The following LTA4H variants were observed in gnomAD, a reference collection of about 807,000 sequenced individuals.
The protein encoded by LTA4H is leukotriene A4 hydrolase.
In LTA4H, 59 loss-of-function variants were observed where a neutral mutation model predicts 89.8. The observed-to-expected ratio is 0.66, with a 90% confidence interval of 0.53 to 0.82. The LOEUF (loss-of-function observed/expected upper bound fraction) is 0.82. Ranked by LOEUF, LTA4H falls within the 40% of genes least tolerant of loss-of-function variation. The pLI is 0.00. For synonymous variants in LTA4H, 227 were observed against 253.1 expected (o/e 0.90, Z 0.98); for missense variants, 617 against 727.0 (o/e 0.85, Z 1.74).
chr12:96,036,361 C>G (rs1262958260), upstream of LTA4H, among the ~76,000 whole-genome samples: 1 of 152,016 alleles, frequency 6.6e-6, no homozygotes, highest in African/African-American at 2.4e-5. Context: ...AGGGTGGGGC[C>G]TCAAAATTAA....
Position 96,017,537 on chromosome 12 carries a change from A to G in LTA4H, c.876+20T>C. ...TAATACTTCTTGAAGGTAAGGCCATAATGAAAAAGTTTAACTTACATTGGA... is the reference window on the plus strand; with the variant it reads ...TAATACTTCTTGAAGGTAAGGCCATGATGAAAAAGTTTAACTTACATTGGA... On this transcript the variant is annotated intron_variant, in intron 9 of 18. Coordinates refer to ENST00000228740, the MANE Select transcript of LTA4H (RefSeq NM_000895.3). The G allele has an allele frequency of 1.2e-6, 2 of 1,601,322 alleles. No individual in the cohort carries two copies. The highest frequency in any genetic ancestry group is 1.7e-6 in the Non-Finnish European group (2 of 1,170,094).
chr12:96,029,360 T>C (rs1188785381), intron 1 of LTA4H, among the ~76,000 whole-genome samples, 175 bp from the exon 2 acceptor site: 1 of 152,192 alleles, frequency 6.6e-6, no homozygotes, highest in African/African-American at 2.4e-5. Flanking sequence ...TCTAAGCATC[T>C]TGAAAATTTT....
Position 96,000,938 on chromosome 12 carries a change from C to G in LTA4H, c.*51G>C. 8.0e-7 allele frequency: 1 copy of G among 1,244,812 alleles called. No individual in the cohort carries two copies. 77.1% of individuals were successfully genotyped at this position (1,244,812 alleles called of 1,614,324 possible). A position where few individuals can be genotyped will look rare whatever the true frequency, so the allele number is the denominator to read the frequency against. On this transcript the variant is annotated 3_prime_UTR_variant, in exon 19 of 19. Transcript: ENST00000228740. ...TGAGCTGAAGTTTTATATTTCTTTA[C>G]GAATTCCATTTAAAAAAGAGAAATC...
intron 6 of LTA4H, among the ~76,000 whole-genome samples, chr12:96,020,271 A>C (rs1443499187): frequency 6.6e-6 from 1 of 152,202 alleles, no homozygotes; most frequent in East Asian, 1.9e-4. Context: ...GAATACTCTT[A>C]TATAAGAAGA....
At chr12:96,013,729 G>C in intron 13 of LTA4H, 21 bp downstream of exon 13, 1 of 1,219,280 alleles carries the variant, frequency 8.2e-7, no homozygotes, top group Middle Eastern at 2.0e-4. Context: ...ATGAAAAATA[G>C]AAAAGGTTTT....
intron 3 of LTA4H, 85 bp downstream of exon 3, chr12:96,027,359 C>T (rs1950523545): frequency 1.7e-6 from 2 of 1,200,010 alleles, no homozygotes; most frequent in South Asian, 3.3e-5. Context: ...CCTACATAAT[C>T]CATAAAACCA....
chr12:96,026,454 C>T (rs533168434), intron 3 of LTA4H, among the ~76,000 whole-genome samples: 1 of 152,186 alleles, frequency 6.6e-6, no homozygotes, highest in East Asian at 1.9e-4. Flanking sequence ...CATTTCTTGC[C>T]AACTTTGGTT....
At chr12:96,024,650 A>C in intron 3 of LTA4H, 103 bp from the exon 4 acceptor site, 1 of 712,152 alleles carries the variant, frequency 1.4e-6, no homozygotes, top group Non-Finnish European at 2.4e-6. Context: ...TAAAATAAAA[A>C]CAGTCCTCAT....
Position 96,013,257 on chromosome 12 carries a change from A to C in LTA4H, c.1310T>G (p.Val437Gly), listed in dbSNP as rs1429077278. ...CCAATCAACTTGATTGAGAACATCA[A>C]CCTATGAATAGTAAGAATTCACAGT... Reference protein sequence around the residue: ...DFLYSYFKDKVDVLNQVDWNA... With the variant: ...DFLYSYFKDKGDVLNQVDWNA... Residue 437 changes from valine (V) to glycine (G), a missense_variant and splice_region_variant, in exon 14 of 19, where the codon GTT (valine) becomes GGT (glycine). By Grantham distance (109) the Val-to-Gly change is moderately radical. Transcript: ENST00000228740. The C allele has an allele frequency of 1.2e-6, 2 of 1,609,636 alleles. No homozygotes were observed. The highest frequency in any genetic ancestry group is 2.7e-5 in the African/African-American group (2 of 74,832).
At position 96,022,119 on chromosome 12, in the gene LTA4H, A is replaced by C. The variant is rs748706213; in HGVS notation, c.585+28T>G. On this transcript the variant is annotated intron_variant, in intron 5 of 18. Coordinates refer to ENST00000228740, the MANE Select transcript of LTA4H (RefSeq NM_000895.3). The surrounding 1 kb of genome is among the most constrained non-coding windows in gnomAD (Gnocchi z 4.0). ...CTAACTGTAGTTTACCGCCAATGAA[A>C]ACAAAAATCTAGACCCTAGGATCTT... 15 of 1,526,214 alleles carry C rather than the reference A, an allele frequency of 9.8e-6. No homozygotes were observed. In the South Asian group the frequency reaches 1.6e-4, roughly 16 times the overall value. 94.5% of individuals were successfully genotyped at this position (1,526,214 alleles called of 1,614,324 possible).
intron 9 of LTA4H, 136 bp downstream of exon 9, chr12:96,017,420 AT>A: frequency 1.4e-6 from 1 of 693,734 alleles, no homozygotes; most frequent in Non-Finnish European, 2.4e-6. Context: ...ATTACATCTA[AT>A]TGTTAATAAT....
chr12:96,003,980 A>T, intron 16 of LTA4H, 60 bp from the exon 17 acceptor site: 1 of 984,512 alleles, frequency 1.0e-6, no homozygotes, highest in South Asian at 1.5e-5. Flanking sequence ...GGAAGAAAGG[A>T]GCTGGAGAGA....
At chr12:96,035,732 C>G, upstream of LTA4H, 1 of 1,289,436 alleles carries the variant, frequency 7.8e-7, no homozygotes, top group Non-Finnish European at 1.0e-6. Flanking sequence ...CAAGCGGGCG[C>G]TTGGCTACCT....
intron 4 of LTA4H, 152 bp downstream of exon 4, chr12:96,024,327 T>C: frequency 2.0e-6 from 1 of 494,588 alleles, no homozygotes; most frequent in Non-Finnish European, 3.6e-6. Context: ...TCAGAATGAG[T>C]GCCACAGCCT....
intron 4 of LTA4H, among the ~76,000 whole-genome samples, chr12:96,023,117 A>G (rs1468701080): frequency 6.6e-6 from 1 of 152,220 alleles, no homozygotes. Flanking sequence ...TCCCCCAAGT[A>G]TTAATGATCA....
intron 8 of LTA4H, among the ~76,000 whole-genome samples, chr12:96,018,374 C>T (rs1950406924): frequency 6.6e-6 from 1 of 152,070 alleles, no homozygotes; most frequent in Non-Finnish European, 1.5e-5. Context: ...TATAGTGAAA[C>T]CCCATCTCTA....
chr12:96,025,929 G>A (rs1275415221), intron 3 of LTA4H, among the ~76,000 whole-genome samples: 2 of 151,896 alleles, frequency 1.3e-5, no homozygotes, highest in African/African-American at 4.8e-5. Context: ...CAGCCTCATT[G>A]AGACAGTCTA....
chr12:96,035,245 TG>T, intron 1 of LTA4H, 115 bp downstream of exon 1: 1 of 1,058,318 alleles, frequency 9.4e-7, no homozygotes, highest in Non-Finnish European at 1.3e-6. Flanking sequence ...GACGGGGACG[TG>T]GGGCTAGGCA....
Position 96,024,462 on chromosome 12 carries a change from T to A in LTA4H, c.480+17A>T. The stretch of plus-strand genomic sequence containing the variant: ...GATATGCATCATTTAATTGAGTTAA[T>A]AATTCGTAATATTTACCTCTGCAGT... On this transcript the variant is annotated intron_variant, in intron 4 of 18. Coordinates refer to ENST00000228740, the MANE Select transcript of LTA4H (RefSeq NM_000895.3). 6.8e-7 allele frequency: 1 copy of A among 1,479,910 alleles called. No homozygotes were observed. The highest frequency in any genetic ancestry group is 9.4e-7 in the Non-Finnish European group (1 of 1,060,066). 91.7% of individuals were successfully genotyped at this position (1,479,910 alleles called of 1,614,324 possible).
Sources: allele counts gnomAD v4.1 joint callset (sites outside exome capture counted in the v4.1 genomes callset), GRCh38; gene constraint gnomAD v4.1.1; non-coding constraint Gnocchi (gnomAD v3.1); transcripts MANE v1.5; gene names NCBI Gene and HGNC (gene_info 2026-07-23, HGNC 2026-07-21).